The following ADAMTSL1 variants were observed in gnomAD, a reference collection of about 807,000 sequenced individuals.
The protein encoded by ADAMTSL1 is ADAMTS-like protein 1.
A neutral mutation model predicts 201.8 loss-of-function variants in ADAMTSL1; 126 were observed. That is an observed-to-expected ratio of 0.62 (90% CI 0.54 to 0.72). The LOEUF (loss-of-function observed/expected upper bound fraction) is 0.72. ADAMTSL1 is among the 30% of genes least tolerant of loss of function. The pLI, the probability that ADAMTSL1 is intolerant of heterozygous loss-of-function variation, is 0.00. For missense variants in ADAMTSL1, 2,679 were observed against 2,277.8 expected (o/e 1.18, Z -3.59); for synonymous variants, 1,121 against 903.4 (o/e 1.24, Z -4.32).
At chr9:18,658,736 CATA>C (rs1299320721) in intron 8 of ADAMTSL1, among the ~76,000 whole-genome samples, 1 of 152,192 alleles carries the variant, frequency 6.6e-6, no homozygotes, top group Admixed American at 6.5e-5. Context: ...ATAGTGTTTA[CATA>C]ATAATTGCAT....
At chr9:18,507,273 A>C (rs1037916928) in intron 2 of ADAMTSL1, among the ~76,000 whole-genome samples, 14 of 152,194 alleles carry the variant, frequency 9.2e-5, no homozygotes, top group Admixed American at 3.3e-4. Context: ...CCACATTAGC[A>C]TATTACCTCT....
chr9:18,771,894 C>T (rs1348448715), intron 17 of ADAMTSL1, among the ~76,000 whole-genome samples: 1 of 152,032 alleles, frequency 6.6e-6, no homozygotes, highest in Non-Finnish European at 1.5e-5. Flanking sequence ...ACATAGAATT[C>T]CATGAGATGG....
intron 5 of ADAMTSL1, 125 bp downstream of exon 5, chr9:18,622,494 A>G: frequency 7.1e-7 from 1 of 1,402,324 alleles, no homozygotes; most frequent in South Asian, 1.3e-5. Flanking sequence ...CTGAAAATGT[A>G]GAAGGCTTCA....
chr9:18,781,972 G>T (rs1183130071), intron 19 of ADAMTSL1, among the ~76,000 whole-genome samples: 1 of 152,204 alleles, frequency 6.6e-6, no homozygotes, highest in Admixed American at 6.5e-5. Context: ...CTTACTAGTT[G>T]AAATTCACAT....
At chr9:18,872,002 A>G (rs1036037353) in intron 23 of ADAMTSL1, among the ~76,000 whole-genome samples, 1 of 152,148 alleles carries the variant, frequency 6.6e-6, no homozygotes, top group Admixed American at 6.6e-5. Flanking sequence ...GGCTGTATCT[A>G]TGTTTCCCAA....
intron 2 of ADAMTSL1, among the ~76,000 whole-genome samples, chr9:18,452,687 G>A (rs1039260408): frequency 6.6e-6 from 1 of 152,204 alleles, no homozygotes; most frequent in Non-Finnish European, 1.5e-5. Flanking sequence ...GAAGAAAGGG[G>A]TTGCTGCCTC....
chr9:18,041,217 T>C (rs998949988), intron 1 of ADAMTSL1, among the ~76,000 whole-genome samples: 7 of 152,188 alleles, frequency 4.6e-5, no homozygotes, highest in African/African-American at 1.7e-4. Context: ...AAGCCTGCCC[T>C]GTCATTTGGA....
chr9:18,085,752 CATATATATGTGTGTGTGT>C lies in ADAMTSL1; in HGVS notation c.88-78101_88-78084del, dbSNP rs1823740232. ...AGCAGGTTATATATATACGTGTATA[CATATATATGTGTGTGTGT>C]ATATATATATACACACACACACACA... On this transcript the variant is annotated intron_variant, in intron 1 of 29. Transcript: ENST00000680146. Among the ~76,000 whole-genome samples, 4 of 149,464 alleles carry C rather than the reference CATATATATGTGTGTGTGT, an allele frequency of 2.7e-5. No individual in the cohort carries two copies. In the South Asian group the frequency reaches 8.4e-4, roughly 32 times the overall value.
At chr9:17,915,993 C>T (rs369440035) in intron 1 of ADAMTSL1, among the ~76,000 whole-genome samples, 12 of 152,010 alleles carry the variant, frequency 7.9e-5, no homozygotes, top group African/African-American at 2.9e-4. Flanking sequence ...GATCTTGGCT[C>T]ACTGAAACCT....
At chr9:18,881,113 T>C (rs1348816634) in intron 23 of ADAMTSL1, among the ~76,000 whole-genome samples, 5 of 152,224 alleles carry the variant, frequency 3.3e-5, no homozygotes, top group Non-Finnish European at 7.3e-5. Flanking sequence ...TTATAGCAGG[T>C]TTGATCTTCT....
intron 26 of ADAMTSL1, among the ~76,000 whole-genome samples, chr9:18,901,075 C>T (rs1829990913): frequency 6.6e-6 from 1 of 151,892 alleles, no homozygotes; most frequent in South Asian, 2.1e-4. Context: ...GGCCTCACCA[C>T]AAGCAGTTGC....
At chr9:18,185,214 A>G (rs1398710755) in intron 2 of ADAMTSL1, among the ~76,000 whole-genome samples, 1 of 152,070 alleles carries the variant, frequency 6.6e-6, no homozygotes, top group Admixed American at 6.6e-5. Flanking sequence ...AGACGACAGG[A>G]TATTATTCCT....
intron 20 of ADAMTSL1, among the ~76,000 whole-genome samples, chr9:18,813,587 A>C (rs1823647715): frequency 6.6e-6 from 1 of 152,152 alleles, no homozygotes; most frequent in African/African-American, 2.4e-5. Context: ...GCTATTGTAA[A>C]TGGGATTGTT....
intron 2 of ADAMTSL1, among the ~76,000 whole-genome samples, chr9:18,254,563 C>G (rs552418803): frequency 1.3e-5 from 2 of 151,718 alleles, no homozygotes; most frequent in South Asian, 4.2e-4. Context: ...CGGGGTTTCA[C>G]CATGTTAGCC....
At chr9:18,379,014 T>C (rs375545717) in intron 2 of ADAMTSL1, among the ~76,000 whole-genome samples, 16 of 152,320 alleles carry the variant, frequency 1.1e-4, no homozygotes, top group African/African-American at 3.8e-4. Flanking sequence ...GAATATCAGA[T>C]ACTCACGAAG....
chr9:17,966,422 C>G (rs1004415000), intron 1 of ADAMTSL1, among the ~76,000 whole-genome samples: 2 of 152,168 alleles, frequency 1.3e-5, no homozygotes, highest in South Asian at 4.1e-4. Flanking sequence ...TTGCTACGCA[C>G]TCAGAAGCCT....
At chr9:18,065,006 C>A in intron 1 of ADAMTSL1, among the ~76,000 whole-genome samples, 1 of 106,186 alleles carries the variant, frequency 9.4e-6, no homozygotes, top group African/African-American at 3.7e-5. Context: ...TCTGAATAAA[C>A]CTGGGAACAA....
At chr9:18,777,945 A>G (rs1413868452) in intron 19 of ADAMTSL1, 39 bp downstream of exon 19, 4 of 1,516,652 alleles carry the variant, frequency 2.6e-6, no homozygotes, top group Non-Finnish European at 2.7e-6. Flanking sequence ...GAGGGAGGCA[A>G]GGGGCCACAT....
intron 3 of ADAMTSL1, among the ~76,000 whole-genome samples, chr9:18,567,164 G>A (rs1224477129): frequency 2.9e-4 from 44 of 152,126 alleles, no homozygotes; most frequent in Admixed American, 2.6e-3. Context: ...GAAAACCACT[G>A]CTTTAAAGTT....
Sources: allele counts gnomAD v4.1 joint callset (sites outside exome capture counted in the v4.1 genomes callset), GRCh38; gene constraint gnomAD v4.1.1; transcripts MANE v1.5; gene names NCBI Gene and HGNC (gene_info 2026-07-23, HGNC 2026-07-21).